Variants in EIF5B observed in about 807,000 individuals in gnomAD.
EIF5B encodes eIF-5B.
In EIF5B, 47 loss-of-function variants were observed where a neutral mutation model predicts 147.5. The ratio of observed to expected loss-of-function variants is 0.32; its 90% CI spans 0.25 to 0.41. The LOEUF is 0.41. Ranked by LOEUF, EIF5B falls within the 10% of genes least tolerant of loss-of-function variation. EIF5B has a pLI of 1.00. For missense variants in EIF5B, 1,064 were observed against 1,413.2 expected (o/e 0.75, Z 3.96); for synonymous variants, 455 against 456.2 (o/e 1.00, Z 0.03).
At position 99,374,282 on chromosome 2, in the gene EIF5B, C is replaced by G. The variant is rs1411552975; in HGVS notation, c.1553-2065C>G. Among the ~76,000 whole-genome samples, 3 of 114,764 alleles carry G rather than the reference C, an allele frequency of 2.6e-5. No homozygotes were observed. In the East Asian group the frequency reaches 6.9e-4, roughly 26 times the overall value. The allele number at this position is 114,764 out of a possible 152,430, so 75.3% of individuals were successfully genotyped here. On this transcript the variant is annotated intron_variant, in intron 9 of 23. Transcript: ENST00000289371. ...CCAGCCTGGGCGACAGAGCGAGACT[C>G]TTACCTAAAAAAAAAAAAAAAAAAA...
intron 14 of EIF5B, among the ~76,000 whole-genome samples, chr2:99,385,735 T>A (rs1203206428): frequency 6.6e-6 from 1 of 152,252 alleles, no homozygotes; most frequent in Non-Finnish European, 1.5e-5. Flanking sequence ...AAACCTGCAG[T>A]ATCTCTGAGT....
chr2:99,391,140 T>C (rs1674921732), intron 17 of EIF5B, among the ~76,000 whole-genome samples: 1 of 152,230 alleles, frequency 6.6e-6, no homozygotes. Flanking sequence ...TATTACATAC[T>C]GCATTCTTAC....
chr2:99,399,044 C>A, intron 23 of EIF5B, 135 bp downstream of exon 23: 1 of 1,076,886 alleles, frequency 9.3e-7, no homozygotes, highest in Non-Finnish European at 1.3e-6. Flanking sequence ...TAGGGCTTGA[C>A]CTCTAGCTGG....
intron 1 of EIF5B, among the ~76,000 whole-genome samples, chr2:99,352,744 AG>A (rs1227791797): frequency 6.6e-6 from 1 of 151,866 alleles, no homozygotes. Flanking sequence ...CAAAGCGCTA[AG>A]ATTACAGGCG....
chr2:99,344,404 T>TTTGTTGTTGTTG (rs149285717), intron 1 of EIF5B, among the ~76,000 whole-genome samples: 14 of 149,514 alleles, frequency 9.4e-5, no homozygotes, highest in Admixed American at 6.0e-4. Flanking sequence ...GCCACCACAG[T>TTTGTTGTTGTTG]TTGTTGTTGT....
At chr2:99,385,225 T>C (rs1011840458) in intron 14 of EIF5B, among the ~76,000 whole-genome samples, 2 of 152,202 alleles carry the variant, frequency 1.3e-5, no homozygotes, top group African/African-American at 4.8e-5. Context: ...TTTTTATTTT[T>C]GGTAGAGATG....
intron 12 of EIF5B, among the ~76,000 whole-genome samples, 183 bp downstream of exon 12, chr2:99,379,611 A>G (rs1674647668): frequency 6.6e-6 from 1 of 152,214 alleles, no homozygotes; most frequent in Non-Finnish European, 1.5e-5. Context: ...AACACTACAT[A>G]TTATAGGAGC....
intron 8 of EIF5B, chr2:99,371,130 G>C (rs1674436323): frequency 1.3e-5 from 2 of 152,186 alleles, no homozygotes; most frequent in Admixed American, 1.3e-4. Context: ...AGTTTAATAT[G>C]TTGGCAGTAG....
chr2:99,376,483 T>C lies in EIF5B; in HGVS notation c.1689T>C (p.Asp563=). 1 of 1,611,842 alleles carries C rather than the reference T, an allele frequency of 6.2e-7. No individual in the cohort carries two copies. The highest frequency in any genetic ancestry group is 8.5e-7 in the Non-Finnish European group (1 of 1,178,316). ...GAGAAAGTGAAGGCAGTGAAGGTGATGAGGAAGATGAAAAGGTGTCAGATG... is the reference window on the plus strand; with the variant it reads ...GAGAAAGTGAAGGCAGTGAAGGTGACGAGGAAGATGAAAAGGTGTCAGATG... ...EEGESEGSEG[D]EEDEKVSDEK... Residue 563 remains aspartate, a synonymous_variant, in exon 10 of 24, where the codon GAT becomes GAC. Coordinates refer to ENST00000289371, the MANE Select transcript of EIF5B (RefSeq NM_015904.4).
intron 6 of EIF5B, among the ~76,000 whole-genome samples, chr2:99,367,883 G>T (rs545762896): frequency 5.4e-4 from 82 of 152,216 alleles, no homozygotes; most frequent in African/African-American, 1.8e-3. Context: ...CAAAATATTT[G>T]CCCAAGAGAA....
At chr2:99,382,331 A>C (rs1674707711) in intron 13 of EIF5B, 105 bp downstream of exon 13, 1 of 852,310 alleles carries the variant, frequency 1.2e-6, no homozygotes, top group Non-Finnish European at 1.9e-6. Flanking sequence ...TGATCTCTAT[A>C]ACTACCACTC....
chr2:99,384,054 G>A (rs915903661), intron 14 of EIF5B, among the ~76,000 whole-genome samples: 15 of 151,734 alleles, frequency 9.9e-5, no homozygotes, highest in Admixed American at 3.3e-4. Flanking sequence ...AAAGTTAGCC[G>A]GGCGTAGTGG....
At chr2:99,371,195 A>G (rs1371545852) in intron 8 of EIF5B, 2 of 152,786 alleles carry the variant, frequency 1.3e-5, no homozygotes, top group African/African-American at 4.8e-5. Flanking sequence ...GCTATATTAA[A>G]AAGATAGTTC....
In EIF5B at chr2:99,368,537, A is replaced by G; in HGVS notation, c.1333A>G (p.Ile445Val). ...AGACTCTTTGCCAAAGAAGAGGCCAATTTATGAAGATAAAAAGAGGAAAAA... is the reference window on the plus strand; with the variant it reads ...AGACTCTTTGCCAAAGAAGAGGCCAGTTTATGAAGATAAAAAGAGGAAAAA... ...SKDSLPKKRP[I>V]YEDKKRKKIP... The change falls in exon 7 of 24, where the codon ATT becomes GTT. Residue 445 changes from isoleucine (I) to valine (V), a missense_variant. Physicochemically the swap from Ile to Val is conservative, Grantham distance 29. Transcript: ENST00000289371. 2 of 1,613,858 alleles carry G rather than the reference A, an allele frequency of 1.2e-6. No individual in the cohort carries two copies. Among genetic ancestry groups the G allele is most frequent in the Non-Finnish European group, 1.7e-6 (2 of 1,179,882 alleles).
At chr2:99,386,805 A>G (rs1674819723) in intron 14 of EIF5B, among the ~76,000 whole-genome samples, 1 of 152,076 alleles carries the variant, frequency 6.6e-6, no homozygotes, top group African/African-American at 2.4e-5. Flanking sequence ...TTGGCCACCC[A>G]AAGTGCTGGG....
chr2:99,385,793 T>C (rs1189925930), intron 14 of EIF5B, among the ~76,000 whole-genome samples: 1 of 152,204 alleles, frequency 6.6e-6, no homozygotes, highest in Non-Finnish European at 1.5e-5. Flanking sequence ...TTAATTTGTT[T>C]TGACAAATTT....
chr2:99,381,687 G>C (rs1187422850), intron 12 of EIF5B, among the ~76,000 whole-genome samples: 1 of 152,024 alleles, frequency 6.6e-6, no homozygotes, highest in Non-Finnish European at 1.5e-5. Context: ...GAATACAACA[G>C]GGTATGCATT....
chr2:99,368,264 G>T (rs1674370400), intron 6 of EIF5B, among the ~76,000 whole-genome samples: 1 of 152,208 alleles, frequency 6.6e-6, no homozygotes, highest in Non-Finnish European at 1.5e-5. Context: ...CATCTTCATT[G>T]TGATGGTGAT....
rs1433788395 is a variant in EIF5B at position 99,368,527 on chromosome 2, G to A, written c.1323G>A (p.Lys441=). ...VEVPSKDSLP[K]KRPIYEDKKR... ...TGCCATCAAAAGACTCTTTGCCAAA[G>A]AAGAGGCCAATTTATGAAGATAAAA... Residue 441 remains lysine, a synonymous_variant, in exon 7 of 24, where the codon AAG becomes AAA. Transcript: ENST00000289371. The A allele has an allele frequency of 6.2e-7, 1 of 1,613,458 alleles. No individual in the cohort carries two copies. Among genetic ancestry groups the A allele is most frequent in the Non-Finnish European group, 8.5e-7 (1 of 1,179,794 alleles).
Sources: gnomAD v4.1 joint callset for allele counts (sites outside exome capture counted in the v4.1 genomes callset) on GRCh38, gnomAD v4.1.1 for gene constraint, MANE v1.5 for transcripts, NCBI Gene and HGNC (gene_info 2026-07-23, HGNC 2026-07-21) for gene names.